The following ADAM12 variants were observed in gnomAD, a reference collection of about 807,000 sequenced individuals.
ADAM12 encodes disintegrin and metalloproteinase domain-containing protein 12.
Under a neutral mutation model 106.4 loss-of-function variants are expected in ADAM12, and 70 were observed. The observed-to-expected ratio is 0.66, with a 90% CI of 0.54 to 0.80. The LOEUF is 0.80. Among genes scored for constraint, ADAM12 ranks in the 30% least tolerant of loss-of-function variants. The pLI, the probability that ADAM12 is intolerant of heterozygous loss-of-function variation, is 0.00. For missense variants in ADAM12, 1,010 were observed against 1,171.9 expected (o/e 0.86, Z 2.02); for synonymous variants, 420 against 433.5 (o/e 0.97, Z 0.39).
chr10:126,316,936 GA>G (rs894285989), intron 2 of ADAM12, among the ~76,000 whole-genome samples: 9 of 151,898 alleles, frequency 5.9e-5, no homozygotes, highest in East Asian at 3.9e-4. Context: ...TAGTGTTTGA[GA>G]AAAAAAATCA....
At position 126,038,283 on chromosome 10, in the gene ADAM12, T is replaced by A; in HGVS notation, c.2307A>T (p.Gly769=). 1.2e-6 allele frequency: 2 copies of A among 1,612,402 alleles called. No individual in the cohort carries two copies. The highest frequency in any genetic ancestry group is 1.7e-6 in the Non-Finnish European group (2 of 1,179,454). Residue 769 remains glycine (G), a synonymous_variant, in exon 20 of 23, where the codon GGA becomes GGT. Coordinates refer to ENST00000448723, the MANE Select transcript of ADAM12 (RefSeq NM_001288973.2). ...CTGGCGGCTTCCTCATCAGGCCTTT[T>A]CCAAGGTGGCCGAGGTGAGCCTGAC... ...QPCQAHLGHL[G]KGLMRKPPDS...
At chr10:126,364,137 T>A (rs189728326) in intron 1 of ADAM12, among the ~76,000 whole-genome samples, 6 of 152,030 alleles carry the variant, frequency 3.9e-5, no homozygotes, top group African/African-American at 1.4e-4. Flanking sequence ...CAGTATCCAA[T>A]ACTTTTTTTT....
Position 126,025,597 on chromosome 10 carries a change from C to T in ADAM12, c.2530-5772G>A, listed in dbSNP as rs763097346. Among the ~76,000 whole-genome samples the T allele has an allele frequency of 8.2e-4, 124 of 151,926 alleles. 1 individual carries two copies. Among genetic ancestry groups the T allele is most frequent in the Middle Eastern group, 3.4e-3 (1 of 294 alleles). On this transcript the variant is annotated intron_variant, in intron 21 of 22. Coordinates refer to ENST00000448723, the MANE Select transcript of ADAM12 (RefSeq NM_001288973.2). ...CCCAAAAGAGACGGGCAGAACAGAG[C>T]CCCCCCAGCAAATTGCAGCAGCCTT...
intron 3 of ADAM12, among the ~76,000 whole-genome samples, chr10:126,171,800 T>C (rs1016780019): frequency 1.3e-5 from 2 of 152,212 alleles, no homozygotes; most frequent in African/African-American, 2.4e-5. Context: ...ATACTTCCTG[T>C]AAAAGGACCC....
intron 1 of ADAM12, among the ~76,000 whole-genome samples, chr10:126,359,606 G>C (rs192463644): frequency 6.6e-6 from 1 of 152,338 alleles, no homozygotes; most frequent in African/African-American, 2.4e-5. Context: ...TCACTCTGAT[G>C]CAAGAGTTGG....
intron 3 of ADAM12, among the ~76,000 whole-genome samples, chr10:126,235,220 C>A (rs1484707328): frequency 6.6e-6 from 1 of 152,210 alleles, no homozygotes; most frequent in African/African-American, 2.4e-5. Context: ...AGGAAGCCAC[C>A]CCCCAGGGAG....
At chr10:126,252,283 A>G (rs1173903107) in intron 3 of ADAM12, among the ~76,000 whole-genome samples, 2 of 149,188 alleles carry the variant, frequency 1.3e-5, no homozygotes, top group African/African-American at 4.9e-5. Context: ...AATGGATTAG[A>G]TAGATGGATG....
chr10:126,282,666 C>T (rs1343197132), intron 2 of ADAM12, among the ~76,000 whole-genome samples: 2 of 152,100 alleles, frequency 1.3e-5, no homozygotes, highest in Non-Finnish European at 2.9e-5. Context: ...ATTTTCATTG[C>T]TATGTAGTAT....
intron 21 of ADAM12, among the ~76,000 whole-genome samples, chr10:126,024,543 C>A (rs1346443360): frequency 3.3e-5 from 5 of 152,100 alleles, no homozygotes; most frequent in Non-Finnish European, 7.3e-5. Context: ...GAGGAAAGTT[C>A]TTAATAATAT....
intron 3 of ADAM12, among the ~76,000 whole-genome samples, chr10:126,267,459 A>G (rs1324652980): frequency 1.3e-5 from 2 of 152,238 alleles, no homozygotes; most frequent in Non-Finnish European, 1.5e-5. Flanking sequence ...TTTTTCTGCA[A>G]CTAGACGATC....
intron 12 of ADAM12, among the ~76,000 whole-genome samples, chr10:126,067,687 A>C (rs1461199807): frequency 2.0e-5 from 3 of 152,248 alleles, no homozygotes; most frequent in African/African-American, 7.2e-5. Flanking sequence ...TACACATTTT[A>C]GAAGAAATGT....
chr10:126,308,784 T>C (rs1960956312), intron 2 of ADAM12, among the ~76,000 whole-genome samples: 2 of 152,210 alleles, frequency 1.3e-5, no homozygotes, highest in African/African-American at 2.4e-5. Context: ...AGAGGCATTA[T>C]CATCTCATAG....
At chr10:126,159,129 G>A (rs1258560574) in intron 3 of ADAM12, among the ~76,000 whole-genome samples, 1 of 152,016 alleles carries the variant, frequency 6.6e-6, no homozygotes, top group Non-Finnish European at 1.5e-5. Flanking sequence ...CTAATACGGT[G>A]AAACCCCGTC....
At position 126,064,849 on chromosome 10, in the gene ADAM12, G is replaced by A. The variant is rs1361516888; in HGVS notation, c.1566C>T (p.Ile522=). ...CACACTGCTGCTCGTGAGTCTGGCAGATGCCATTGTAGCAGTAGCCGTCCA... is the reference window on the plus strand; with the variant it reads ...CACACTGCTGCTCGTGAGTCTGGCAAATGCCATTGTAGCAGTAGCCGTCCA... The part of the protein sequence containing the change: ...QDVDGYCYNG[I]CQTHEQQCVT... Residue 522 remains isoleucine (I), a synonymous_variant, in exon 14 of 23, where the codon ATC becomes ATT. Transcript: ENST00000448723. This position sits in a 1 kb window ranked among gnomAD's most constrained non-coding sequence, Gnocchi z 4.4. The A allele has an allele frequency of 3.1e-6, 5 of 1,612,014 alleles. No individual in the cohort carries two copies. The highest frequency in any genetic ancestry group is 3.3e-5 in the Admixed American group (2 of 59,818).
rs190614205 is a variant in ADAM12, at chr10:126,269,211, G to A, written c.260+9704C>T. On this transcript the variant is annotated intron_variant, in intron 3 of 22. Coordinates refer to ENST00000448723, the MANE Select transcript of ADAM12 (RefSeq NM_001288973.2). ...ACCATTTTAGTTTTGGTGGGTTTTA[G>A]CCAGCTTCTTTACTGCAAGCTGTTT... 2.5e-3 allele frequency among the ~76,000 whole-genome samples: 386 copies of A among 152,264 alleles called. 1 individual carries two copies. Among genetic ancestry groups the A allele is most frequent in the African/African-American group, 8.6e-3 (356 of 41,560 alleles).
intron 1 of ADAM12, among the ~76,000 whole-genome samples, chr10:126,345,983 T>C (rs1233625956): frequency 1.3e-5 from 2 of 152,198 alleles, no homozygotes; most frequent in Non-Finnish European, 2.9e-5. Context: ...CCTGGATTCA[T>C]TGATTTTTTG....
chr10:126,117,912 G>T, intron 6 of ADAM12, 126 bp downstream of exon 6: 1 of 1,047,830 alleles, frequency 9.5e-7, no homozygotes. Flanking sequence ...CAGATAAACT[G>T]GGCACTTCCA....
At chr10:126,110,936 T>C (rs1206619440) in intron 6 of ADAM12, among the ~76,000 whole-genome samples, 1 of 152,204 alleles carries the variant, frequency 6.6e-6, no homozygotes, top group Non-Finnish European at 1.5e-5. Flanking sequence ...CACACACTGC[T>C]TCAAGTTTAA....
At chr10:126,311,618 G>A (rs1192552336) in intron 2 of ADAM12, among the ~76,000 whole-genome samples, 3 of 152,106 alleles carry the variant, frequency 2.0e-5, no homozygotes, top group African/African-American at 7.2e-5. Flanking sequence ...GGGGAGGGGA[G>A]AGGAGCTGGA....
Sources: allele counts gnomAD v4.1 joint callset (sites outside exome capture counted in the v4.1 genomes callset), GRCh38; gene constraint gnomAD v4.1.1; non-coding constraint Gnocchi (gnomAD v3.1); transcripts MANE v1.5; gene names NCBI Gene and HGNC (gene_info 2026-07-23, HGNC 2026-07-21).